Variants in USP34 observed in about 807,000 individuals in gnomAD.
USP34 encodes ubiquitin specific peptidase 34.
In USP34, 70 loss-of-function variants were observed where a neutral mutation model predicts 460.3. That is an observed-to-expected ratio of 0.15 (90% CI 0.13 to 0.19). USP34 has a LOEUF of 0.19. Ranked by LOEUF, USP34 falls within the 10% of genes least tolerant of loss-of-function variation. USP34 has a pLI of 1.00. For synonymous variants in USP34, 1,647 were observed against 1,405.3 expected (o/e 1.17, Z -3.85); for missense variants, 3,985 against 4,236.2 (o/e 0.94, Z 1.65).
chr2:61,339,378 C>T lies in USP34; in HGVS notation c.2717G>A (p.Gly906Asp). The T allele has an allele frequency of 6.2e-7, 1 of 1,609,054 alleles. No individual in the cohort carries two copies. Among genetic ancestry groups the T allele is most frequent in the Non-Finnish European group, 8.5e-7 (1 of 1,178,192 alleles). ...DRQIRMRFIE[G>D]CLENLGNNRS... Reference sequence around the variant, plus strand: ...GTTGTTTCCCAAGTTTTCAAGGCAACCTTCAATGAATCTCATTCGAATTTG... The same window carrying T: ...GTTGTTTCCCAAGTTTTCAAGGCAATCTTCAATGAATCTCATTCGAATTTG... The change falls in exon 18 of 80, where the codon GGT becomes GAT. Residue 906 changes from glycine (G) to aspartate (D), a missense_variant. Physicochemically the swap from Gly to Asp is moderately conservative, Grantham distance 94. Around this residue, in one of 14 missense-constraint regions of USP34, gnomAD observed 46 missense variants for 83.1 expected, o/e 0.55. Coordinates refer to ENST00000398571, the MANE Select transcript of USP34 (RefSeq NM_014709.4).
intron 1 of USP34, among the ~76,000 whole-genome samples, chr2:61,435,475 G>C (rs932379955): frequency 6.6e-6 from 1 of 151,582 alleles, no homozygotes; most frequent in East Asian, 1.9e-4. Flanking sequence ...CAAAAAAACA[G>C]CTTATCAAGA....
At chr2:61,237,833 G>A (rs971704363) in intron 53 of USP34, among the ~76,000 whole-genome samples, 2 of 150,968 alleles carry the variant, frequency 1.3e-5, no homozygotes, top group Non-Finnish European at 3.0e-5. Context: ...ACTTCCCAAA[G>A]TGCTTAGATT....
intron 42 of USP34, 32 bp downstream of exon 42, chr2:61,265,952 T>C: frequency 6.6e-7 from 1 of 1,508,356 alleles, no homozygotes. Flanking sequence ...ATTCAAAATC[T>C]ATAAAGATTA....
chr2:61,280,151 A>T, intron 39 of USP34, 93 bp downstream of exon 39: 1 of 673,270 alleles, frequency 1.5e-6, no homozygotes, highest in Non-Finnish European at 2.3e-6. Context: ...TTAATGAAGT[A>T]CACTTAATAA....
intron 57 of USP34, among the ~76,000 whole-genome samples, chr2:61,235,323 T>C (rs1254678942): frequency 3.4e-5 from 3 of 88,688 alleles, no homozygotes; most frequent in African/African-American, 4.6e-5. Context: ...AAAAAATTTT[T>C]TTTTCTTTTT....
intron 5 of USP34, among the ~76,000 whole-genome samples, chr2:61,387,510 T>C (rs1212655512): frequency 3.4e-5 from 5 of 147,468 alleles, no homozygotes; most frequent in Non-Finnish European, 5.9e-5. Context: ...TATATATGTA[T>C]GTATGTATAT....
chr2:61,411,949 G>A (rs1280509958), intron 2 of USP34, among the ~76,000 whole-genome samples: 2 of 152,144 alleles, frequency 1.3e-5, no homozygotes, highest in African/African-American at 4.8e-5. Context: ...CAGCACTTTG[G>A]GAGGCTGAGG....
In USP34 at chr2:61,211,899, G is replaced by A. The variant is rs779648413; in HGVS notation, c.8713C>T (p.Leu2905=). ...AVEELFNLMQ[L]FIAQRPDMRE... ...ATATCTGGCCTCTGAGCTATAAACA[G>A]CTGCATCAGGTTAAACAGTTCTTCT... is the stretch of plus-strand genomic sequence containing the variant. The change falls in exon 69 of 80, where the codon CTG becomes TTG. Residue 2905 remains leucine (L), a synonymous_variant. Coordinates refer to ENST00000398571, the MANE Select transcript of USP34 (RefSeq NM_014709.4). 1.9e-6 allele frequency: 3 copies of A among 1,608,882 alleles called. No homozygotes were observed. The highest frequency in any genetic ancestry group is 2.5e-6 in the Non-Finnish European group (3 of 1,178,538).
intron 27 of USP34, among the ~76,000 whole-genome samples, chr2:61,310,393 A>T (rs1013569928): frequency 6.6e-5 from 10 of 152,128 alleles, no homozygotes; most frequent in African/African-American, 2.4e-4. Flanking sequence ...CTATATAGTG[A>T]ACTATGCAGA....
chr2:61,405,061 A>G (rs1390222563), intron 3 of USP34, among the ~76,000 whole-genome samples: 1 of 151,784 alleles, frequency 6.6e-6, no homozygotes, highest in East Asian at 1.9e-4. Flanking sequence ...CCCCGTCTCT[A>G]CTAAAGAAAA....
intron 1 of USP34, among the ~76,000 whole-genome samples, chr2:61,423,908 G>A (rs1298308822): frequency 6.6e-6 from 1 of 152,166 alleles, no homozygotes; most frequent in East Asian, 1.9e-4. Context: ...AGTGAGATAT[G>A]ATCATGCCAC....
At chr2:61,244,148 G>T (rs1471484449) in intron 51 of USP34, among the ~76,000 whole-genome samples, 1 of 151,912 alleles carries the variant, frequency 6.6e-6, no homozygotes, top group Admixed American at 6.6e-5. Flanking sequence ...AACAAATATG[G>T]TTAAGTCAAA....
At position 61,213,968 on chromosome 2, in the gene USP34, T is replaced by G. The variant is rs952933585; in HGVS notation, c.8682+92A>C. 3 of 1,453,898 alleles carry G rather than the reference T, an allele frequency of 2.1e-6. No individual in the cohort carries two copies. The African/African-American group carries it at 4.3e-5, about 21-fold the overall frequency. The allele number at this position is 1,453,898 out of a possible 1,614,324, so 90.1% of individuals were successfully genotyped here. A position where few individuals can be genotyped will look rare whatever the true frequency, so the allele number is the denominator to read the frequency against. ...TTCTTAAGAAAGAATGGTGAGACTA[T>G]TCTATATTCTGCCACCACTTCCCAC... is the stretch of plus-strand genomic sequence containing the variant. On this transcript the variant is annotated intron_variant, in intron 68 of 79. Transcript: ENST00000398571.
At chr2:61,362,960 T>C (rs985191571) in intron 10 of USP34, among the ~76,000 whole-genome samples, 2 of 152,244 alleles carry the variant, frequency 1.3e-5, no homozygotes, top group African/African-American at 4.8e-5. Context: ...GCAAATTATA[T>C]ACCTGATTTT....
intron 10 of USP34, among the ~76,000 whole-genome samples, chr2:61,352,916 C>T (rs559555843): frequency 1.2e-4 from 18 of 152,242 alleles, no homozygotes; most frequent in African/African-American, 3.4e-4. Context: ...GAACAGAAAA[C>T]GCCAGGAATC....
At chr2:61,311,479 AG>A (rs370204779) in intron 27 of USP34, 60 bp downstream of exon 27, 20 of 1,453,140 alleles carry the variant, frequency 1.4e-5, no homozygotes, top group African/African-American at 1.5e-5. Flanking sequence ...AAAGAGAAAG[AG>A]AAAGAGAAAA....
chr2:61,242,594 A>C (rs1220421396), intron 51 of USP34, among the ~76,000 whole-genome samples: 1 of 152,158 alleles, frequency 6.6e-6, no homozygotes, highest in African/African-American at 2.4e-5. Flanking sequence ...ATAGGACAAA[A>C]GGAGGCTGAA....
rs777819679 is a variant in USP34 at position 61,278,490 on chromosome 2, T to C, written c.5257-47A>G. ...AAATTCAAATATAAATTTTTTATGT[T>C]TTACCAAACATAAAATTATTAAAAT... On this transcript the variant is annotated intron_variant, in intron 39 of 79. Transcript: ENST00000398571. The C allele has an allele frequency of 1.2e-5, 16 of 1,356,172 alleles. No homozygotes were observed. In the African/African-American group the frequency reaches 1.9e-4, roughly 16 times the overall value. 84.0% of individuals were successfully genotyped at this position (1,356,172 alleles called of 1,614,324 possible). A position where few individuals can be genotyped will look rare whatever the true frequency, so the allele number is the denominator to read the frequency against.
chr2:61,342,736 G>C (rs1355426766), intron 16 of USP34, among the ~76,000 whole-genome samples: 1 of 152,106 alleles, frequency 6.6e-6, no homozygotes, highest in Non-Finnish European at 1.5e-5. Flanking sequence ...TGTAAAACAA[G>C]GTAGATTTGG....
Sources: gnomAD v4.1 joint callset for allele counts (sites outside exome capture counted in the v4.1 genomes callset) on GRCh38, gnomAD v4.1.1 for gene constraint, gnomAD v4.1.1 regional missense constraint, MANE v1.5 for transcripts, NCBI Gene and HGNC (gene_info 2026-07-23, HGNC 2026-07-21) for gene names.